HTR2A: variants seen among roughly 807,000 people sequenced by gnomAD.
HTR2A encodes 5-hydroxytryptamine receptor 2A, also known as 5-HT2 receptor.
In HTR2A, 14 loss-of-function variants were observed where a neutral mutation model predicts 31.0. The observed-to-expected ratio is 0.45, with a 90% CI of 0.30 to 0.71. HTR2A has a LOEUF of 0.71. Among genes scored for constraint, HTR2A ranks in the 30% least tolerant of loss-of-function variants. The pLI, the probability that HTR2A is intolerant of heterozygous loss-of-function variation, is 0.09. For missense variants in HTR2A, 442 were observed against 573.3 expected (o/e 0.77, Z 2.34); for synonymous variants, 209 against 225.2 (o/e 0.93, Z 0.64).
chr13:46,834,938 T>C lies in HTR2A; in HGVS notation c.1315A>G (p.Thr439Ala). ...KKNSKQDAKT[T>A]DNDCSMVALG... is the part of the protein sequence containing the mutation. ...GCAACCATTGAGCAGTCATTATCTGTTGTCTTGGCATCTTGCTTTGAATTC... is the reference window on the plus strand; with the variant it reads ...GCAACCATTGAGCAGTCATTATCTGCTGTCTTGGCATCTTGCTTTGAATTC... Residue 439 changes from threonine to alanine, a missense_variant, in exon 4 of 4, where the codon ACA becomes GCA. Around this residue, in one of 5 missense-constraint regions of HTR2A, gnomAD observed 88 missense variants for 83.1 expected, o/e 1.06. Transcript: ENST00000542664. 6.2e-7 allele frequency: 1 copy of C among 1,614,162 alleles called. No individual in the cohort carries two copies. Among genetic ancestry groups the C allele is most frequent in the Non-Finnish European group, 8.5e-7 (1 of 1,179,982 alleles).
In HTR2A at chr13:46,896,889, G is replaced by C. The variant is rs1253972292; in HGVS notation, c.-544C>G. ...GGATCCTGTTGGCTTCCTCTGGCACGGCTCGGCTGGGTTCCTCCCTCCCTG... is the reference window on the plus strand; with the variant it reads ...GGATCCTGTTGGCTTCCTCTGGCACCGCTCGGCTGGGTTCCTCCCTCCCTG... On this transcript the variant is annotated 5_prime_UTR_variant, in exon 1 of 4. Coordinates refer to ENST00000542664, the MANE Select transcript of HTR2A (RefSeq NM_000621.5). 3 of 1,468,090 alleles carry C rather than the reference G, an allele frequency of 2.0e-6. No individual in the cohort carries two copies. The highest frequency in any genetic ancestry group is 2.8e-6 in the Non-Finnish European group (3 of 1,090,648). The allele number at this position is 1,468,090 out of a possible 1,614,324, so 90.9% of individuals were successfully genotyped here. A position where few individuals can be genotyped will look rare whatever the true frequency, so the allele number is the denominator to read the frequency against.
At chr13:46,841,753 C>A (rs1011506534) in intron 3 of HTR2A, among the ~76,000 whole-genome samples, 1 of 152,042 alleles carries the variant, frequency 6.6e-6, no homozygotes, top group African/African-American at 2.4e-5. Context: ...ATATAAAGAT[C>A]TTGCACTGAA....
chr13:46,837,932 G>T (rs1021032001), intron 3 of HTR2A, among the ~76,000 whole-genome samples: 8 of 152,178 alleles, frequency 5.3e-5, no homozygotes, highest in African/African-American at 1.9e-4. Flanking sequence ...TGTTCATAAG[G>T]ACACTTATTG....
At chr13:46,893,201 T>C (rs1294901658) in intron 2 of HTR2A, among the ~76,000 whole-genome samples, 1 of 152,176 alleles carries the variant, frequency 6.6e-6, no homozygotes, top group African/African-American at 2.4e-5. Context: ...TAGGGAGAGC[T>C]GAAGACAAGG....
chr13:46,840,664 G>A (rs1190115066), intron 3 of HTR2A, among the ~76,000 whole-genome samples: 2 of 152,032 alleles, frequency 1.3e-5, no homozygotes, highest in East Asian at 3.9e-4. Context: ...TCTTATGGTG[G>A]ATTTTTAAAA....
Position 46,833,089 on chromosome 13 carries a change from T to C in HTR2A, c.*1748A>G, listed in dbSNP as rs1449226978. ...TGGAGAAATAGAAGAAAAATTTTGCTCAAAACTATGGTAGTTATAAACTGG... is the reference window on the plus strand; with the variant it reads ...TGGAGAAATAGAAGAAAAATTTTGCCCAAAACTATGGTAGTTATAAACTGG... On this transcript the variant is annotated 3_prime_UTR_variant, in exon 4 of 4. Transcript: ENST00000542664. 3 of 152,180 alleles carry C rather than the reference T, an allele frequency of 2.0e-5. No homozygotes were observed. The highest frequency in any genetic ancestry group is 1.3e-4 in the Admixed American group (2 of 15,272). The allele number at this position is 152,180 out of a possible 1,614,324, so 9.4% of individuals were successfully genotyped here.
chr13:46,887,342 G>T (rs1951014627), intron 3 of HTR2A, among the ~76,000 whole-genome samples: 1 of 147,254 alleles, frequency 6.8e-6, no homozygotes, highest in Non-Finnish European at 1.5e-5. Context: ...AGAATGGCGT[G>T]AACCCAGGAG....
rs1173900770 is a variant in HTR2A, at chr13:46,896,880, C to T, written c.-535G>A. On this transcript the variant is annotated 5_prime_UTR_variant, in exon 1 of 4. Transcript: ENST00000542664. The stretch of plus-strand genomic sequence containing the variant: ...GCACTGCTAGGATCCTGTTGGCTTC[C>T]TCTGGCACGGCTCGGCTGGGTTCCT... 4 of 1,516,570 alleles carry T rather than the reference C, an allele frequency of 2.6e-6. No individual in the cohort carries two copies. The highest frequency in any genetic ancestry group is 2.0e-5 in the Admixed American group (1 of 48,964). 93.9% of individuals were successfully genotyped at this position (1,516,570 alleles called of 1,614,324 possible).
rs375024989 is a variant in HTR2A, at chr13:46,895,793, G to T, written c.114C>A (p.Asn38Lys). 1 of 1,613,922 alleles carries T rather than the reference G, an allele frequency of 6.2e-7. No individual in the cohort carries two copies. Among genetic ancestry groups the T allele is most frequent in the Non-Finnish European group, 8.5e-7 (1 of 1,179,906 alleles). ...CTGTCCAGTTAAATGCATCAGAAGT[G>T]TTAGCTTCTCCGGAGTTAAAGTCAT... is the stretch of plus-strand genomic sequence containing the variant. ...YSNDFNSGEA[N>K]TSDAFNWTVD... is the part of the protein sequence containing the mutation. Residue 38 changes from asparagine to lysine, a missense_variant, in exon 2 of 4, where the codon AAC (asparagine) becomes AAA (lysine). Physicochemically the swap from Asn to Lys is moderately conservative, Grantham distance 94. Around this residue, in one of 5 missense-constraint regions of HTR2A, gnomAD observed 83 missense variants for 84.8 expected, o/e 0.98. Coordinates refer to ENST00000542664, the MANE Select transcript of HTR2A (RefSeq NM_000621.5). This position sits in a 1 kb window ranked among gnomAD's most constrained non-coding sequence, Gnocchi z 4.4.
At chr13:46,872,619 A>C (rs1950871461) in intron 3 of HTR2A, among the ~76,000 whole-genome samples, 1 of 152,214 alleles carries the variant, frequency 6.6e-6, no homozygotes. Flanking sequence ...TAACATTAAC[A>C]AGTGTACGTG....
chr13:46,891,333 G>A (rs1415324430), intron 3 of HTR2A, among the ~76,000 whole-genome samples: 1 of 152,150 alleles, frequency 6.6e-6, no homozygotes, highest in Non-Finnish European at 1.5e-5. Context: ...ACTGGCTGTG[G>A]GGCTTTGCAC....
intron 3 of HTR2A, among the ~76,000 whole-genome samples, chr13:46,871,723 A>T (rs1019828676): frequency 3.9e-5 from 6 of 152,112 alleles, no homozygotes; most frequent in Admixed American, 3.3e-4. Flanking sequence ...CTTTCCCTGC[A>T]TTTTTGACAC....
At chr13:46,885,937 C>T (rs534871653) in intron 3 of HTR2A, among the ~76,000 whole-genome samples, 320 of 152,276 alleles carry the variant, frequency 2.1e-3, no homozygotes, top group African/African-American at 7.5e-3. Flanking sequence ...GTTTCCTTTT[C>T]CTCTTTTTAA....
intron 3 of HTR2A, chr13:46,852,280 T>A (rs900257384): frequency 6.6e-6 from 1 of 152,290 alleles, no homozygotes; most frequent in Non-Finnish European, 1.5e-5. Flanking sequence ...TCATTTCAGT[T>A]TGTAGTCATT....
chr13:46,895,770 G>A lies in HTR2A; in HGVS notation c.137C>T (p.Thr46Ile), dbSNP rs749275506. ...EANTSDAFNW[T>I]VDSENRTNLS... Reference sequence around the variant, plus strand: ...GTTGGTTCGATTTTCAGAGTCGACTGTCCAGTTAAATGCATCAGAAGTGTT... The same window carrying A: ...GTTGGTTCGATTTTCAGAGTCGACTATCCAGTTAAATGCATCAGAAGTGTT... Residue 46 changes from threonine to isoleucine, a missense_variant, in exon 2 of 4, where the codon ACA (threonine) becomes ATA (isoleucine). Physicochemically the swap from Thr to Ile is moderately conservative, Grantham distance 89 (BLOSUM62 -1). Transcript: ENST00000542664. The surrounding 1 kb of genome is among the most constrained non-coding windows in gnomAD (Gnocchi z 4.4). 5.0e-6 allele frequency: 8 copies of A among 1,614,070 alleles called. No homozygotes were observed. Among genetic ancestry groups the A allele is most frequent in the Non-Finnish European group, 5.9e-6 (7 of 1,180,034 alleles).
chr13:46,855,331 A>G (rs972896962), intron 3 of HTR2A, among the ~76,000 whole-genome samples: 9 of 152,180 alleles, frequency 5.9e-5, no homozygotes, highest in African/African-American at 2.2e-4. Context: ...TTTCGGTTGA[A>G]ACATGTGAAA....
intron 3 of HTR2A, among the ~76,000 whole-genome samples, chr13:46,847,872 G>A (rs1950655045): frequency 6.6e-6 from 1 of 152,104 alleles, no homozygotes; most frequent in Non-Finnish European, 1.5e-5. Context: ...GGCACTATTT[G>A]GGGCACAGAA....
intron 3 of HTR2A, among the ~76,000 whole-genome samples, chr13:46,863,630 G>GAA (rs59693757): frequency 5.1e-5 from 3 of 59,274 alleles, no homozygotes; most frequent in African/African-American, 1.4e-4. Flanking sequence ...CCCTCAAAAT[G>GAA]AAAAAAAAAA....
At chr13:46,873,974 C>T (rs955233619) in intron 3 of HTR2A, among the ~76,000 whole-genome samples, 1 of 152,172 alleles carries the variant, frequency 6.6e-6, no homozygotes, top group Non-Finnish European at 1.5e-5. Context: ...CCTATTAACA[C>T]TGTTCCCATA....
Sources: gnomAD v4.1 joint callset for allele counts (sites outside exome capture counted in the v4.1 genomes callset) on GRCh38, gnomAD v4.1.1 for gene constraint, gnomAD v4.1.1 regional missense constraint, Gnocchi (gnomAD v3.1) non-coding constraint, MANE v1.5 for transcripts, NCBI Gene and HGNC (gene_info 2026-07-23, HGNC 2026-07-21) for gene names.